Variants in ANKFN1 observed in about 807,000 individuals in gnomAD.
ANKFN1 encodes ankyrin repeat and fibronectin type III domain containing 1, also known as ankyrin repeat and fibronectin type-III domain-containing protein 1.
Under a neutral mutation model 108.7 loss-of-function variants are expected in ANKFN1, and 74 were observed. The ratio of observed to expected loss-of-function variants is 0.68; its 90% CI spans 0.56 to 0.83. The LOEUF is 0.83. ANKFN1 is among the 40% of genes least tolerant of loss of function. ANKFN1 has a pLI of 0.00. For missense variants in ANKFN1, 1,505 were observed against 1,382.3 expected (o/e 1.09, Z -1.41); for synonymous variants, 547 against 516.2 (o/e 1.06, Z -0.81).
chr17:56,274,817 A>G (rs942086280), intron 3 of ANKFN1, among the ~76,000 whole-genome samples: 3 of 152,168 alleles, frequency 2.0e-5, no homozygotes, highest in Admixed American at 2.0e-4. Flanking sequence ...GGTGACTCCC[A>G]CTTATTCTGA....
intron 11 of ANKFN1, among the ~76,000 whole-genome samples, chr17:56,453,361 C>T (rs1013009055): frequency 6.6e-6 from 1 of 151,856 alleles, no homozygotes; most frequent in Non-Finnish European, 1.5e-5. Flanking sequence ...TTTGTTTTCC[C>T]TGTAGTTAAT....
intron 18 of ANKFN1, among the ~76,000 whole-genome samples, chr17:56,484,157 A>T (rs952689589): frequency 5.3e-5 from 8 of 152,192 alleles, no homozygotes; most frequent in African/African-American, 1.7e-4. Context: ...AGAATCGGGA[A>T]GAGAACAAGT....
chr17:56,085,471 C>G (rs1905300165), intron 4 of ANKFN1, among the ~76,000 whole-genome samples: 1 of 151,120 alleles, frequency 6.6e-6, no homozygotes, highest in South Asian at 2.1e-4. Flanking sequence ...GAATTATCCT[C>G]TGGAGCCTTC....
chr17:56,159,725 C>T (rs987130309), intron 1 of ANKFN1, among the ~76,000 whole-genome samples: 14 of 152,152 alleles, frequency 9.2e-5, no homozygotes, highest in African/African-American at 3.4e-4. Flanking sequence ...CATCGTCAGT[C>T]TTGCAGTCTG....
At position 56,513,775 on chromosome 17, in the gene ANKFN1, A is replaced by G. The variant is rs2051841717; in HGVS notation, c.*2506A>G. ...GAAAGAAGGCATGCCCACAAAAAGA[A>G]TAATGCATGTTACATTTTAATGGGC... On this transcript the variant is annotated 3_prime_UTR_variant, in exon 21 of 21. Transcript: ENST00000682825. Among the ~76,000 whole-genome samples the G allele has an allele frequency of 6.6e-6, 1 of 152,266 alleles. No individual in the cohort carries two copies. Among genetic ancestry groups the G allele is most frequent in the Non-Finnish European group, 1.5e-5 (1 of 68,046 alleles).
chr17:56,427,433 C>G (rs1043486983), intron 8 of ANKFN1, among the ~76,000 whole-genome samples: 1 of 151,800 alleles, frequency 6.6e-6, no homozygotes, highest in Admixed American at 6.6e-5. Context: ...TTTTTTTTTA[C>G]TCAGTACTTA....
At chr17:56,456,768 G>C (rs968065331) in intron 11 of ANKFN1, 93 bp from the exon 12 acceptor site, 2 of 966,666 alleles carry the variant, frequency 2.1e-6, no homozygotes, top group Admixed American at 1.9e-5. Flanking sequence ...CTAAAGGGAT[G>C]GGGGAGGGGA....
At chr17:56,432,163 A>G (rs2048779451) in intron 8 of ANKFN1, among the ~76,000 whole-genome samples, 1 of 152,202 alleles carries the variant, frequency 6.6e-6, no homozygotes, top group Non-Finnish European at 1.5e-5. Context: ...TACATCCATT[A>G]CAGTTTTTTA....
chr17:56,261,116 C>A (rs776743338), intron 3 of ANKFN1, among the ~76,000 whole-genome samples: 1 of 152,192 alleles, frequency 6.6e-6, no homozygotes, highest in Non-Finnish European at 1.5e-5. Flanking sequence ...TGTGCAGAGT[C>A]CCACCCCTAA....
rs913734542 is a variant in ANKFN1 at position 56,443,078 on chromosome 17, G to T, written c.1099+145G>T. The T allele has an allele frequency of 3.8e-5, 26 of 686,872 alleles. No individual in the cohort carries two copies. In the African/African-American group the frequency reaches 4.5e-4, roughly 12 times the overall value. The allele number at this position is 686,872 out of a possible 1,614,324, so 42.5% of individuals were successfully genotyped here. ...GCAGCATCTGGGCCACATAATGAAT[G>T]ATTCCCCTGCAGAAATGCTCCTGGG... On this transcript the variant is annotated intron_variant, in intron 10 of 20. Transcript: ENST00000682825.
chr17:56,403,060 G>A (rs952865820), intron 8 of ANKFN1, among the ~76,000 whole-genome samples: 3 of 152,100 alleles, frequency 2.0e-5, no homozygotes, highest in African/African-American at 7.2e-5. Flanking sequence ...GTCTGAGAGA[G>A]TGCTTGATAT....
chr17:56,272,023 T>A (rs576221030), intron 3 of ANKFN1, among the ~76,000 whole-genome samples: 1 of 152,312 alleles, frequency 6.6e-6, no homozygotes, highest in East Asian at 1.9e-4. Flanking sequence ...ATTCTAATTA[T>A]AATGAGCCCA....
intron 3 of ANKFN1, among the ~76,000 whole-genome samples, chr17:56,290,769 A>G (rs2044341810): frequency 6.6e-6 from 1 of 152,158 alleles, no homozygotes; most frequent in African/African-American, 2.4e-5. Flanking sequence ...CATGCCTCTT[A>G]GTGACCCCTC....
At chr17:56,100,878 C>T (rs926961626) in intron 4 of ANKFN1, among the ~76,000 whole-genome samples, 4 of 152,184 alleles carry the variant, frequency 2.6e-5, no homozygotes, top group Non-Finnish European at 4.4e-5. Flanking sequence ...GGATTAAGAA[C>T]ACAGAACTCT....
intron 4 of ANKFN1, among the ~76,000 whole-genome samples, chr17:56,106,365 C>A (rs1269466757): frequency 6.6e-6 from 1 of 152,206 alleles, no homozygotes; most frequent in Non-Finnish European, 1.5e-5. Flanking sequence ...GTTGTGAAAG[C>A]AGCACATAAG....
intron 3 of ANKFN1, among the ~76,000 whole-genome samples, chr17:56,269,711 C>T (rs972657773): frequency 1.3e-5 from 2 of 152,198 alleles, no homozygotes; most frequent in African/African-American, 2.4e-5. Flanking sequence ...ACAAGGAATA[C>T]TAGGGACATA....
At chr17:56,050,541 C>A (rs1184202818) in intron 4 of ANKFN1, among the ~76,000 whole-genome samples, 1 of 147,848 alleles carries the variant, frequency 6.8e-6, no homozygotes, top group Non-Finnish European at 1.5e-5. Context: ...ACGTTTAAAT[C>A]TTTAATCCAT....
At chr17:56,241,935 G>A (rs1917613428) in intron 3 of ANKFN1, among the ~76,000 whole-genome samples, 1 of 152,114 alleles carries the variant, frequency 6.6e-6, no homozygotes, top group African/African-American at 2.4e-5. Flanking sequence ...TGGACAGAGA[G>A]AGGATTCATG....
chr17:56,122,211 C>G (rs1434568673), intron 4 of ANKFN1, among the ~76,000 whole-genome samples: 1 of 152,182 alleles, frequency 6.6e-6, no homozygotes, highest in African/African-American at 2.4e-5. Flanking sequence ...AAAATATCAT[C>G]TAAGTTTTAA....
Sources: allele counts gnomAD v4.1 joint callset (sites outside exome capture counted in the v4.1 genomes callset), GRCh38; gene constraint gnomAD v4.1.1; transcripts MANE v1.5; gene names NCBI Gene and HGNC (gene_info 2026-07-23, HGNC 2026-07-21).